The following SUPT3H variants were observed in gnomAD, a reference collection of about 807,000 sequenced individuals.
The protein encoded by SUPT3H is SPT3 homolog, SAGA and STAGA complex component.
SUPT3H carries 44 observed loss-of-function variants against 44.3 expected under a neutral mutation model. The observed-to-expected ratio is 0.99, with a 90% CI of 0.78 to 1.28. The LOEUF is 1.28. Among genes scored for constraint, SUPT3H ranks in the 50% most tolerant of loss-of-function variants. SUPT3H has a pLI of 0.00. For missense variants in SUPT3H, 380 were observed against 387.1 expected, an observed-to-expected ratio of 0.98 and a Z score of 0.15; for synonymous variants, 124 against 125.6, an observed-to-expected ratio of 0.99 and a Z score of 0.09.
At position 45,163,234 on chromosome 6, in the gene SUPT3H, A is replaced by C. The variant is rs76304617; in HGVS notation, c.102-57228T>G. Reference sequence around the variant, plus strand: ...TGACTCAAAGTAATAATGTCATGAAAGACAAAGCTCAAGTTGGTACAATTC... The same window carrying C: ...TGACTCAAAGTAATAATGTCATGAACGACAAAGCTCAAGTTGGTACAATTC... On this transcript the variant is annotated intron_variant, in intron 2 of 10. Transcript: ENST00000371459. Among the ~76,000 whole-genome samples, 283 of 152,324 alleles carry C rather than the reference A, an allele frequency of 1.9e-3. 8 individuals carry two copies. The East Asian group carries it at 0.046, about 25-fold the overall frequency.
intron 2 of SUPT3H, among the ~76,000 whole-genome samples, chr6:45,345,159 A>T (rs573879789): frequency 3.3e-5 from 5 of 152,314 alleles, no homozygotes; most frequent in Admixed American, 6.5e-5. Context: ...GAATACTTAT[A>T]AAAATCTTTG....
intron 2 of SUPT3H, among the ~76,000 whole-genome samples, chr6:45,253,845 A>G (rs1665868835): frequency 1.2e-5 from 1 of 86,948 alleles, no homozygotes; most frequent in African/African-American, 4.0e-5. Context: ...GTACACATAT[A>G]CGCATATATA....
At chr6:45,288,551 A>G (rs202212730) in intron 2 of SUPT3H, among the ~76,000 whole-genome samples, 66 of 4,670 alleles carry the variant, frequency 0.014, 9 homozygotes, top group East Asian at 0.087. Flanking sequence ...GTGTGTGTAT[A>G]TATATATATA....
intron 2 of SUPT3H, among the ~76,000 whole-genome samples, chr6:45,343,511 A>G (rs1243924508): frequency 6.6e-6 from 1 of 152,194 alleles, no homozygotes; most frequent in African/African-American, 2.4e-5. Flanking sequence ...GAATTTTCAC[A>G]TTCATACACC....
chr6:45,220,679 C>G (rs1185048573), intron 2 of SUPT3H, among the ~76,000 whole-genome samples: 1 of 152,150 alleles, frequency 6.6e-6, no homozygotes, highest in East Asian at 1.9e-4. Context: ...TAGAAAATCA[C>G]AAAGAATCTA....
intron 2 of SUPT3H, among the ~76,000 whole-genome samples, chr6:45,184,249 C>T (rs558399581): frequency 2.6e-5 from 4 of 152,138 alleles, no homozygotes; most frequent in African/African-American, 7.2e-5. Flanking sequence ...GTAATTAACG[C>T]CTCTGAAGTG....
Position 45,095,073 on chromosome 6 carries a change from A to T in SUPT3H, c.186+10849T>A, listed in dbSNP as rs1797621183. 6.6e-6 allele frequency among the ~76,000 whole-genome samples: 1 copy of T among 152,110 alleles called. No individual in the cohort carries two copies. Among genetic ancestry groups the T allele is most frequent in the East Asian group, 1.9e-4 (1 of 5,200 alleles). ...AGATGGTATTTGTGGACTACCTCAT[A>T]TTCCATTCATGTAAACACAGAGTGT... On this transcript the variant is annotated intron_variant, in intron 3 of 10. Coordinates refer to ENST00000371459, the MANE Select transcript of SUPT3H (RefSeq NM_003599.4). This position sits in a 1 kb window ranked among gnomAD's most constrained non-coding sequence, Gnocchi z 4.1.
At chr6:44,888,441 G>A (rs1298775945) in intron 10 of SUPT3H, among the ~76,000 whole-genome samples, 1 of 152,040 alleles carries the variant, frequency 6.6e-6, no homozygotes, top group Non-Finnish European at 1.5e-5. Flanking sequence ...TTCATCCCTG[G>A]GATGCAAGGC....
chr6:45,246,157 T>G (rs892264349), intron 2 of SUPT3H, among the ~76,000 whole-genome samples: 3 of 152,152 alleles, frequency 2.0e-5, no homozygotes, highest in Non-Finnish European at 4.4e-5. Flanking sequence ...GAGTTCTTTA[T>G]GTATTCTGGA....
chr6:45,093,588 T>C (rs1797415127), intron 3 of SUPT3H, among the ~76,000 whole-genome samples: 1 of 151,922 alleles, frequency 6.6e-6, no homozygotes, highest in African/African-American at 2.4e-5. Context: ...TAAATGAGAA[T>C]AGAATACTTG....
intron 2 of SUPT3H, among the ~76,000 whole-genome samples, chr6:45,335,128 A>G: frequency 6.6e-6 from 1 of 151,240 alleles, no homozygotes; most frequent in East Asian, 1.9e-4. Context: ...AACCTGGGTA[A>G]ACAATTTAAG....
chr6:45,094,522 G>A (rs1797546145), intron 3 of SUPT3H, among the ~76,000 whole-genome samples: 4 of 152,116 alleles, frequency 2.6e-5, no homozygotes, highest in Admixed American at 2.0e-4. Context: ...AATATGTTAA[G>A]AGTGGGAGAA....
rs546972500 is a variant in SUPT3H, at chr6:44,968,711, G to T, written c.505-6883C>A. Among the ~76,000 whole-genome samples, 306 of 152,108 alleles carry T rather than the reference G, an allele frequency of 2.0e-3. 1 individual carries two copies. Among genetic ancestry groups the T allele is most frequent in the African/African-American group, 7.0e-3 (292 of 41,482 alleles). The stretch of plus-strand genomic sequence containing the variant: ...ATACTAGTATTTTAAATAAAAACAT[G>T]GAGAAAAGGCCCTCGTACATTGTAA... On this transcript the variant is annotated intron_variant, in intron 6 of 10. Transcript: ENST00000371459.
chr6:44,972,262 C>T (rs1355540409), intron 6 of SUPT3H, among the ~76,000 whole-genome samples: 4 of 152,032 alleles, frequency 2.6e-5, no homozygotes, highest in South Asian at 2.1e-4. Flanking sequence ...AGAAATTGGC[C>T]AAAATGAAGG....
At chr6:45,053,936 C>T (rs1014772595) in intron 3 of SUPT3H, among the ~76,000 whole-genome samples, 3 of 145,898 alleles carry the variant, frequency 2.1e-5, no homozygotes, top group Non-Finnish European at 4.5e-5. Context: ...AAAAAAAAGT[C>T]ACTCTGACTT....
intron 2 of SUPT3H, among the ~76,000 whole-genome samples, chr6:45,237,220 T>C (rs1223173943): frequency 6.6e-6 from 1 of 152,194 alleles, no homozygotes; most frequent in East Asian, 1.9e-4. Context: ...ATTTAAAGGT[T>C]CAGTAGATAC....
Position 44,870,523 on chromosome 6 carries a change from C to T in SUPT3H, c.913-40666G>A, listed in dbSNP as rs1776206211. 4.7e-5 allele frequency among the ~76,000 whole-genome samples: 7 copies of T among 148,144 alleles called. No individual in the cohort carries two copies. The South Asian group carries it at 1.5e-3, about 32-fold the overall frequency. ...CTGAGGTGAGATGAGCACTTGAGCCCAGGAGGTCGAGGCTGCAGCGAGCCG... is the reference window on the plus strand; with the variant it reads ...CTGAGGTGAGATGAGCACTTGAGCCTAGGAGGTCGAGGCTGCAGCGAGCCG... On this transcript the variant is annotated intron_variant, in intron 10 of 10. Transcript: ENST00000371459.
chr6:45,198,219 T>C (rs554784461), intron 2 of SUPT3H, among the ~76,000 whole-genome samples: 1 of 151,438 alleles, frequency 6.6e-6, no homozygotes, highest in African/African-American at 2.4e-5. Flanking sequence ...CTTTTCAAAA[T>C]AGGAATACAT....
intron 2 of SUPT3H, among the ~76,000 whole-genome samples, chr6:45,250,506 G>T (rs1167515668): frequency 6.6e-6 from 1 of 151,790 alleles, no homozygotes; most frequent in Non-Finnish European, 1.5e-5. Context: ...AAACAAAAAA[G>T]TAACAAATGG....
Sources: gnomAD v4.1 joint callset for allele counts (sites outside exome capture counted in the v4.1 genomes callset) on GRCh38, gnomAD v4.1.1 for gene constraint, Gnocchi (gnomAD v3.1) non-coding constraint, MANE v1.5 for transcripts, NCBI Gene and HGNC (gene_info 2026-07-23, HGNC 2026-07-21) for gene names.